Variants in ADAMTS16 observed in about 807,000 individuals in gnomAD.
ADAMTS16 encodes the protein ADAM metallopeptidase with thrombospondin type 1 motif 16.
Under a neutral mutation model 145.8 loss-of-function variants are expected in ADAMTS16, and 94 were observed. The observed-to-expected ratio is 0.64, with a 90% CI of 0.55 to 0.77. ADAMTS16 has a LOEUF of 0.77. Among genes scored for constraint, ADAMTS16 ranks in the 30% least tolerant of loss-of-function variants. The probability of loss-of-function intolerance (pLI) is 0.00; values close to 1 mark genes in which losing one functional copy is unlikely to be tolerated. For missense variants in ADAMTS16, 1,585 were observed against 1,591.5 expected (o/e 1.00, Z 0.07); for synonymous variants, 659 against 604.3 (o/e 1.09, Z -1.33).
chr5:5,209,182 C>T lies in ADAMTS16; in HGVS notation c.1541C>T (p.Ala514Val), dbSNP rs150478708. 2.6e-5 allele frequency: 42 copies of T among 1,614,028 alleles called. No individual in the cohort carries two copies. The South Asian group carries it at 3.7e-4, about 14-fold the overall frequency. Residue 514 changes from alanine (A) to valine (V), a missense_variant, in exon 10 of 23, where the codon GCA becomes GTA. This residue lies in a region of ADAMTS16 where 298 missense variants were observed against 367.6 expected (regional missense o/e 0.81). Transcript: ENST00000274181. ...AAATTGCCAGGAGAATTATATGATGCAAACACACAGTGCAAGTGGCAGTTC... is the reference window on the plus strand; with the variant it reads ...AAATTGCCAGGAGAATTATATGATGTAAACACACAGTGCAAGTGGCAGTTC... ...PEKLPGELYD[A>V]NTQCKWQFGE... is the part of the protein sequence containing the mutation.
intron 11 of ADAMTS16, chr5:5,223,807 A>G (rs573289610): frequency 6.6e-6 from 1 of 152,206 alleles, no homozygotes; most frequent in South Asian, 2.1e-4. Context: ...CTATTAATAA[A>G]GATAGATCCT....
Position 5,258,606 on chromosome 5 carries a change from C to T in ADAMTS16, c.2663-4051C>T, listed in dbSNP as rs77967711. Among the ~76,000 whole-genome samples, 247 of 152,246 alleles carry T rather than the reference C, an allele frequency of 1.6e-3. 8 individuals carry two copies. The East Asian group carries it at 0.043, about 26-fold the overall frequency. Reference sequence around the variant, plus strand: ...TTTGATTGAAAGGGATGAGAAGAAACCTGCTGGCGAAGCCCACAGGCATGG... The same window carrying T: ...TTTGATTGAAAGGGATGAGAAGAAATCTGCTGGCGAAGCCCACAGGCATGG... On this transcript the variant is annotated intron_variant, in intron 17 of 22. Coordinates refer to ENST00000274181, the MANE Select transcript of ADAMTS16 (RefSeq NM_139056.4).
intron 10 of ADAMTS16, among the ~76,000 whole-genome samples, chr5:5,218,749 T>G (rs1357927878): frequency 6.6e-6 from 1 of 151,944 alleles, no homozygotes; most frequent in Non-Finnish European, 1.5e-5. Context: ...CAGGATGGAG[T>G]GGGAAGGTGG....
chr5:5,258,806 G>A (rs1737889253), intron 17 of ADAMTS16, among the ~76,000 whole-genome samples: 1 of 151,996 alleles, frequency 6.6e-6, no homozygotes, highest in Non-Finnish European at 1.5e-5. Context: ...GGAGTGGCAG[G>A]AATGTGTGCA....
intron 13 of ADAMTS16, among the ~76,000 whole-genome samples, chr5:5,235,560 T>C (rs1398158382): frequency 6.6e-6 from 1 of 152,200 alleles, no homozygotes; most frequent in African/African-American, 2.4e-5. Flanking sequence ...ATACTTATAA[T>C]TGTCAAAGAA....
At chr5:5,278,919 A>C (rs71596750) in intron 18 of ADAMTS16, among the ~76,000 whole-genome samples, 2,611 of 152,186 alleles carry the variant, frequency 0.017, 32 homozygotes, top group Middle Eastern at 0.099. Context: ...AACCAACCAA[A>C]CAAACAAAAA....
chr5:5,218,620 T>C (rs888934782), intron 10 of ADAMTS16, among the ~76,000 whole-genome samples: 9 of 152,218 alleles, frequency 5.9e-5, no homozygotes, highest in Admixed American at 2.6e-4. Context: ...TTCTGTATCC[T>C]AAGCTCTTTC....
intron 17 of ADAMTS16, among the ~76,000 whole-genome samples, chr5:5,256,965 G>A (rs998055765): frequency 6.6e-6 from 1 of 152,104 alleles, no homozygotes; most frequent in East Asian, 1.9e-4. Flanking sequence ...AAAATAGTGT[G>A]GTTATTCAGT....
chr5:5,311,511 A>G (rs7704982), intron 21 of ADAMTS16, among the ~76,000 whole-genome samples: 53,649 of 149,726 alleles, frequency 0.36, 9,859 homozygotes, highest in East Asian at 0.5. Context: ...CCGGGTGTGC[A>G]TGTGTGAGAC....
chr5:5,274,664 G>A (rs1335242461), intron 18 of ADAMTS16, among the ~76,000 whole-genome samples: 1 of 150,764 alleles, frequency 6.6e-6, no homozygotes, highest in Non-Finnish European at 1.5e-5. Flanking sequence ...GTGTGCATGT[G>A]TGTATATGTG....
chr5:5,278,033 A>C (rs1020822065), intron 18 of ADAMTS16, among the ~76,000 whole-genome samples: 40 of 152,236 alleles, frequency 2.6e-4, no homozygotes, highest in African/African-American at 9.2e-4. Context: ...ATCTGTTTAA[A>C]TTGTTAAAAT....
intron 17 of ADAMTS16, among the ~76,000 whole-genome samples, chr5:5,255,383 G>T (rs543631608): frequency 4.6e-5 from 7 of 152,336 alleles, no homozygotes; most frequent in African/African-American, 1.7e-4. Context: ...TAAATAGAGA[G>T]ATTGAAAGAG....
chr5:5,148,290 A>C (rs1298458380), intron 3 of ADAMTS16, among the ~76,000 whole-genome samples: 1 of 152,236 alleles, frequency 6.6e-6, no homozygotes, highest in Admixed American at 6.5e-5. Context: ...GTCATAAGAC[A>C]GGACAAATCA....
intron 3 of ADAMTS16, among the ~76,000 whole-genome samples, chr5:5,164,530 C>G (rs1734815801): frequency 6.6e-6 from 1 of 152,184 alleles, no homozygotes; most frequent in South Asian, 2.1e-4. Flanking sequence ...CAAGGGCACT[C>G]TCTCTGAATG....
chr5:5,266,655 A>G (rs1454931764), intron 18 of ADAMTS16, among the ~76,000 whole-genome samples: 2 of 152,206 alleles, frequency 1.3e-5, no homozygotes, highest in Non-Finnish European at 2.9e-5. Flanking sequence ...TGCAAGAGGA[A>G]ACCTGGGATT....
At chr5:5,188,998 C>T (rs772201275) in intron 6 of ADAMTS16, among the ~76,000 whole-genome samples, 1 of 152,186 alleles carries the variant, frequency 6.6e-6, no homozygotes, top group Non-Finnish European at 1.5e-5. Context: ...TGGAAATCAC[C>T]TGCTAAAGAA....
chr5:5,186,991 T>C (rs935158684), intron 5 of ADAMTS16, among the ~76,000 whole-genome samples: 2 of 152,220 alleles, frequency 1.3e-5, no homozygotes, highest in Non-Finnish European at 2.9e-5. Context: ...GTGTTATTTT[T>C]GGTAGACTGA....
At chr5:5,202,337 T>C (rs1735980614) in intron 9 of ADAMTS16, among the ~76,000 whole-genome samples, 1 of 152,192 alleles carries the variant, frequency 6.6e-6, no homozygotes, top group Admixed American at 6.6e-5. Context: ...CTTGGTAATA[T>C]AAACCTGTAT....
Position 5,212,309 on chromosome 5 carries a change from G to A in ADAMTS16, c.1605+3063G>A, listed in dbSNP as rs546374130. On this transcript the variant is annotated intron_variant, in intron 10 of 22. Coordinates refer to ENST00000274181, the MANE Select transcript of ADAMTS16 (RefSeq NM_139056.4). ...TGCAAGCTCTGCCTCCCGGGTTCAC[G>A]CCATTCTCCTGCCTCAGCCTCCGGA... Among the ~76,000 whole-genome samples the A allele has an allele frequency of 8.6e-5, 13 of 151,370 alleles. No homozygotes were observed. In the South Asian group the frequency reaches 2.5e-3, roughly 29 times the overall value.
Sources: allele counts gnomAD v4.1 joint callset (sites outside exome capture counted in the v4.1 genomes callset), GRCh38; gene constraint gnomAD v4.1.1; regional missense constraint gnomAD v4.1.1; transcripts MANE v1.5; gene names NCBI Gene and HGNC (gene_info 2026-07-23, HGNC 2026-07-21).